The following NDUFS4 variants were observed in gnomAD, a reference collection of about 807,000 sequenced individuals.
NDUFS4 encodes NADH:ubiquinone oxidoreductase subunit S4.
NDUFS4 carries 28 observed loss-of-function variants against 24.3 expected under a neutral mutation model. The ratio of observed to expected loss-of-function variants is 1.15; its 90% CI spans 0.85 to 1.58. The LOEUF (loss-of-function observed/expected upper bound fraction) is 1.58, where lower values mean the gene tolerates loss of function less well. Ranked by LOEUF, NDUFS4 falls within the 40% of genes most tolerant of loss-of-function variation. NDUFS4 has a pLI of 0.00. For synonymous variants in NDUFS4, 93 were observed against 69.7 expected (o/e 1.34, Z -1.67); for missense variants, 223 against 207.9 (o/e 1.07, Z -0.45).
chr5:53,624,886 T>C (rs1025019351), intron 2 of NDUFS4, among the ~76,000 whole-genome samples: 1 of 152,202 alleles, frequency 6.6e-6, no homozygotes, highest in African/African-American at 2.4e-5. Flanking sequence ...GTGGGCATCA[T>C]TGTCTTTTTC....
intron 2 of NDUFS4, among the ~76,000 whole-genome samples, chr5:53,623,643 G>T (rs1390101099): frequency 1.3e-5 from 2 of 152,106 alleles, no homozygotes; most frequent in African/African-American, 4.8e-5. Flanking sequence ...CACTGTCGAA[G>T]ATTTCCTCCT....
At chr5:53,679,291 G>C (rs1489224834) in intron 4 of NDUFS4, among the ~76,000 whole-genome samples, 1 of 152,072 alleles carries the variant, frequency 6.6e-6, no homozygotes, top group Non-Finnish European at 1.5e-5. Context: ...GTGGTCAGTG[G>C]TAATTATATA....
chr5:53,665,459 T>G (rs1240286242), intron 4 of NDUFS4, among the ~76,000 whole-genome samples: 1 of 152,236 alleles, frequency 6.6e-6, no homozygotes, highest in Admixed American at 6.5e-5. Flanking sequence ...CTTCTTGAGC[T>G]GCGCTGGGCT....
At chr5:53,596,787 A>G (rs887652810) in intron 1 of NDUFS4, among the ~76,000 whole-genome samples, 2 of 152,220 alleles carry the variant, frequency 1.3e-5, no homozygotes, top group South Asian at 4.1e-4. Context: ...ATTGACAACA[A>G]ACGTAATTAG....
At position 53,675,317 on chromosome 5, in the gene NDUFS4, C is replaced by T. The variant is rs528740363; in HGVS notation, c.425-7801C>T. On this transcript the variant is annotated intron_variant, in intron 4 of 4. Transcript: ENST00000296684. ...AGCTGGGACTACAGGCGCCCGCCAC[C>T]ACGCCCAGCTAATTTTTTGTATTTT... 8.1e-4 allele frequency among the ~76,000 whole-genome samples: 123 copies of T among 152,080 alleles called. 1 individual carries two copies. Among genetic ancestry groups the T allele is most frequent in the Middle Eastern group, 6.8e-3 (2 of 294 alleles).
At chr5:53,563,717 G>T (rs982762395) in intron 1 of NDUFS4, among the ~76,000 whole-genome samples, 3 of 152,054 alleles carry the variant, frequency 2.0e-5, no homozygotes, top group African/African-American at 7.2e-5. Flanking sequence ...AGCCAGGCTG[G>T]TCTCAAACTC....
intron 4 of NDUFS4, among the ~76,000 whole-genome samples, chr5:53,674,706 C>T (rs1579944882): frequency 6.6e-6 from 1 of 152,048 alleles, no homozygotes; most frequent in African/African-American, 2.4e-5. Flanking sequence ...TGACATATTA[C>T]AAAACATAAT....
intron 4 of NDUFS4, among the ~76,000 whole-genome samples, chr5:53,667,389 C>T (rs149834161): frequency 0.096 from 14,551 of 151,558 alleles, 1,007 homozygotes; most frequent in Admixed American, 0.2. Context: ...CGCTTGAACC[C>T]GGGAGGCAGA....
intron 3 of NDUFS4, among the ~76,000 whole-genome samples, chr5:53,648,539 A>G (rs113517051): frequency 6.1e-4 from 93 of 152,302 alleles, no homozygotes; most frequent in Non-Finnish European, 9.9e-4. Context: ...AGATTTCCCA[A>G]TGCACCTTAT....
chr5:53,676,824 C>T (rs1034271438), intron 4 of NDUFS4, among the ~76,000 whole-genome samples: 1 of 152,038 alleles, frequency 6.6e-6, no homozygotes, highest in Non-Finnish European at 1.5e-5. Context: ...CACAAATAAA[C>T]TTTACGTGAA....
At chr5:53,655,002 A>G (rs894575431) in intron 3 of NDUFS4, among the ~76,000 whole-genome samples, 4 of 152,222 alleles carry the variant, frequency 2.6e-5, no homozygotes, top group African/African-American at 9.6e-5. Context: ...ATTATGAAAC[A>G]ATTTTTGATA....
intron 2 of NDUFS4, among the ~76,000 whole-genome samples, chr5:53,644,914 TA>T (rs1751814727): frequency 1.3e-5 from 2 of 152,088 alleles, no homozygotes; most frequent in African/African-American, 4.8e-5. Flanking sequence ...TGGATAGAGA[TA>T]ATAGTCAAGT....
intron 2 of NDUFS4, among the ~76,000 whole-genome samples, chr5:53,612,313 C>A (rs750329081): frequency 2.2e-4 from 34 of 151,924 alleles, no homozygotes; most frequent in Admixed American, 5.9e-4. Flanking sequence ...CTATTAAGCA[C>A]CACCTGTTTT....
intron 2 of NDUFS4, among the ~76,000 whole-genome samples, chr5:53,615,102 TC>T (rs1380916819): frequency 1.3e-5 from 2 of 151,952 alleles, no homozygotes; most frequent in African/African-American, 2.4e-5. Flanking sequence ...TATTTTACAC[TC>T]TATTTGAATT....
At chr5:53,653,221 A>T (rs537522481) in intron 3 of NDUFS4, among the ~76,000 whole-genome samples, 14 of 152,310 alleles carry the variant, frequency 9.2e-5, no homozygotes, top group African/African-American at 3.4e-4. Flanking sequence ...GATTTGTTCC[A>T]TGTCATTGTG....
chr5:53,674,338 T>C (rs188377367), intron 4 of NDUFS4, among the ~76,000 whole-genome samples: 2 of 152,290 alleles, frequency 1.3e-5, no homozygotes, highest in African/African-American at 4.8e-5. Flanking sequence ...CATGAGTGTC[T>C]TATGACTTCT....
chr5:53,579,529 A>G (rs1014051132), intron 1 of NDUFS4, among the ~76,000 whole-genome samples: 15 of 152,202 alleles, frequency 9.9e-5, no homozygotes, highest in Admixed American at 5.9e-4. Context: ...GCAACATAGC[A>G]AGACCCTGTC....
At chr5:53,645,310 G>C (rs1173517285) in intron 2 of NDUFS4, among the ~76,000 whole-genome samples, 3 of 152,096 alleles carry the variant, frequency 2.0e-5, no homozygotes, top group Non-Finnish European at 4.4e-5. Context: ...GCAGTTTTTA[G>C]AATTTTTGCA....
At chr5:53,593,462 G>T (rs1349049578) in intron 1 of NDUFS4, among the ~76,000 whole-genome samples, 1 of 150,646 alleles carries the variant, frequency 6.6e-6, no homozygotes, top group Non-Finnish European at 1.5e-5. Context: ...CCTGACTAAA[G>T]GTTTATCAGT....
Sources: gnomAD v4.1 joint callset for allele counts (sites outside exome capture counted in the v4.1 genomes callset) on GRCh38, gnomAD v4.1.1 for gene constraint, MANE v1.5 for transcripts, NCBI Gene and HGNC (gene_info 2026-07-23, HGNC 2026-07-21) for gene names.